DOT1L: variants seen among roughly 807,000 people sequenced by gnomAD.
DOT1L encodes DOT1 like histone lysine methyltransferase.
DOT1L carries 33 observed loss-of-function variants against 153.3 expected under a neutral mutation model. That is an observed-to-expected ratio of 0.22 (90% CI 0.16 to 0.29). The LOEUF is 0.29. DOT1L is among the 10% of genes least tolerant of loss of function. DOT1L has a pLI of 1.00. For missense variants in DOT1L, 1,847 were observed against 2,119.9 expected (o/e 0.87, Z 2.53); for synonymous variants, 1,135 against 965.1 (o/e 1.18, Z -3.26).
Position 2,217,984 on chromosome 19 carries a change from G to T in DOT1L, c.2691+66G>T. 1.3e-6 allele frequency: 2 copies of T among 1,562,902 alleles called. No homozygotes were observed. The highest frequency in any genetic ancestry group is 3.6e-5 in the Admixed American group (2 of 55,712). ...AGGCAAAACAGTCTGGGGTGCTCGAGACCTGGCTCACTTTGCGAAGTCTCA... is the reference window on the plus strand; with the variant it reads ...AGGCAAAACAGTCTGGGGTGCTCGATACCTGGCTCACTTTGCGAAGTCTCA... On this transcript the variant is annotated intron_variant, in intron 22 of 27. Coordinates refer to ENST00000398665, the MANE Select transcript of DOT1L (RefSeq NM_032482.3). The surrounding 1 kb of genome is among the most constrained non-coding windows in gnomAD (Gnocchi z 7.3).
At chr19:2,228,612 G>A (rs952594015) in intron 27 of DOT1L, 2 of 985,396 alleles carry the variant, frequency 2.0e-6, no homozygotes, top group South Asian at 4.7e-5. Flanking sequence ...CTGGGTTCCT[G>A]CGGTGACGCC....
In DOT1L at chr19:2,229,456, G is replaced by A. The variant is rs2024506023; in HGVS notation, c.4607-329G>A. 1.1e-5 allele frequency: 11 copies of A among 985,444 alleles called. No homozygotes were observed. In the South Asian group the frequency reaches 4.7e-4, roughly 42 times the overall value. 61.0% of individuals were successfully genotyped at this position (985,444 alleles called of 1,614,324 possible). On this transcript the variant is annotated intron_variant, in intron 27 of 27. Coordinates refer to ENST00000398665, the MANE Select transcript of DOT1L (RefSeq NM_032482.3). Reference sequence around the variant, plus strand: ...GGGCTGGTCAGCCTGGCGGGTCAATGCGGGCACCTGCGGGCTGGACAAGCT... The same window carrying A: ...GGGCTGGTCAGCCTGGCGGGTCAATACGGGCACCTGCGGGCTGGACAAGCT...
At chr19:2,223,134 C>T (rs2024191875) in intron 24 of DOT1L, 147 bp from the exon 25 acceptor site, 1 of 784,944 alleles carries the variant, frequency 1.3e-6, no homozygotes, top group Non-Finnish European at 2.0e-6. Context: ...AGAACCAGGA[C>T]AGGGGCTGTA....
rs2144802741 is a variant in DOT1L, at chr19:2,204,844, A to ACCG, written c.788-1882_788-1880dup. ...CCTGTGTGCCCAGCCTGGCCCTGGA[A>ACCG]CCGCCCTTCCTGCTCCTCCTGAGGG... On this transcript the variant is annotated intron_variant, in intron 9 of 27. Transcript: ENST00000398665. The surrounding 1 kb of genome is among the most constrained non-coding windows in gnomAD (Gnocchi z 5.7). Among the ~76,000 whole-genome samples the ACCG allele has an allele frequency of 2.0e-5, 3 of 152,168 alleles. No individual in the cohort carries two copies. The South Asian group carries it at 6.2e-4, about 32-fold the overall frequency.
At position 2,208,954 on chromosome 19, in the gene DOT1L, G is replaced by A; in HGVS notation, c.983G>A (p.Ser328Asn). The A allele has an allele frequency of 6.2e-7, 1 of 1,613,270 alleles. No homozygotes were observed. The highest frequency in any genetic ancestry group is 1.1e-5 in the South Asian group (1 of 90,928). The change falls in exon 12 of 28, where the codon AGT becomes AAT. Residue 328 changes from serine (S) to asparagine (N), a missense_variant. By Grantham distance (46) the Ser-to-Asn change is conservative (BLOSUM62 1). Transcript: ENST00000398665. This position sits in a 1 kb window ranked among gnomAD's most constrained non-coding sequence, Gnocchi z 4.4. The part of the protein sequence containing the change: ...DRTILENYFS[S>N]LKNPKLREEQ... ...TTTTAGCTTGAAAACTATTTTTCTA[G>A]TCTGAAAAACCCAAAACTCAGGGTA...
chr19:2,228,032 G>C (rs1325513447), intron 27 of DOT1L: 3 of 1,294,956 alleles, frequency 2.3e-6, no homozygotes, highest in Non-Finnish European at 3.0e-6. Flanking sequence ...CCCCAACGCT[G>C]CTGGCCTCTA....
chr19:2,218,616 A>G (rs561189428), intron 22 of DOT1L, among the ~76,000 whole-genome samples: 3 of 151,736 alleles, frequency 2.0e-5, no homozygotes, highest in Non-Finnish European at 2.9e-5. Context: ...GATGGTCTTG[A>G]TCTCCTGACC....
At chr19:2,228,055 C>T (rs1418814282) in intron 27 of DOT1L, 4 of 1,309,972 alleles carry the variant, frequency 3.1e-6, no homozygotes, top group Non-Finnish European at 4.0e-6. Context: ...CCTGAGCCCG[C>T]GCTTCTGCAG....
chr19:2,227,264 C>T (rs775156859), intron 27 of DOT1L, 137 bp downstream of exon 27: 7 of 1,160,270 alleles, frequency 6.0e-6, no homozygotes, highest in South Asian at 1.3e-5. Flanking sequence ...CCCCGCCATC[C>T]GTGCACGGTG....
At chr19:2,171,552 C>G (rs141332840) in intron 1 of DOT1L, among the ~76,000 whole-genome samples, 1 of 152,206 alleles carries the variant, frequency 6.6e-6, no homozygotes, top group Non-Finnish European at 1.5e-5. Flanking sequence ...GCCCCACCAC[C>G]GAGGGCGGGC....
At chr19:2,219,877 C>G (rs530451758) in intron 22 of DOT1L, among the ~76,000 whole-genome samples, 3 of 152,352 alleles carry the variant, frequency 2.0e-5, no homozygotes, top group East Asian at 3.9e-4. Context: ...CCTGACCTCC[C>G]TGCCTCAGGC....
In DOT1L at chr19:2,210,718, A is replaced by G. The variant is rs1409991297; in HGVS notation, c.1214A>G (p.Lys405Arg). The G allele has an allele frequency of 1.2e-6, 2 of 1,613,180 alleles. No individual in the cohort carries two copies. The highest frequency in any genetic ancestry group is 1.7e-6 in the Non-Finnish European group (2 of 1,180,012). ...AAGAAGCTAAACAAGAAGGGGAGGAAGATGGCTGGCCGCAAGCGCGGGCGC... is the reference window on the plus strand; with the variant it reads ...AAGAAGCTAAACAAGAAGGGGAGGAGGATGGCTGGCCGCAAGCGCGGGCGC... ...RKKKLNKKGRKMAGRKRGRPK... is the reference protein window; with the variant it reads ...RKKKLNKKGRRMAGRKRGRPK... The change falls in exon 14 of 28, where the codon AAG becomes AGG. Residue 405 changes from lysine (K) to arginine (R), a missense_variant. Physicochemically the swap from Lys to Arg is conservative, Grantham distance 26. Transcript: ENST00000398665.
chr19:2,178,579 GCTAA>G (rs2022072745), intron 1 of DOT1L, among the ~76,000 whole-genome samples: 1 of 151,674 alleles, frequency 6.6e-6, no homozygotes, highest in Non-Finnish European at 1.5e-5. Flanking sequence ...ACTACGCCTG[GCTAA>G]CTTTTTGTAT....
chr19:2,231,221 G>C lies in DOT1L; in HGVS notation c.*1429G>C, dbSNP rs1278722424. On this transcript the variant is annotated 3_prime_UTR_variant, in exon 28 of 28. Coordinates refer to ENST00000398665, the MANE Select transcript of DOT1L (RefSeq NM_032482.3). ...CCCCGCATCTGGCCCTGGGCTGTGTGGCACTTGCTGAGCCCACCTTCTCAA... is the reference window on the plus strand; with the variant it reads ...CCCCGCATCTGGCCCTGGGCTGTGTCGCACTTGCTGAGCCCACCTTCTCAA... 4.4e-6 allele frequency: 1 copy of C among 228,098 alleles called. No individual in the cohort carries two copies. The highest frequency in any genetic ancestry group is 8.7e-6 in the Non-Finnish European group (1 of 114,826). The allele number at this position is 228,098 out of a possible 1,614,324, so 14.1% of individuals were successfully genotyped here. A position where few individuals can be genotyped will look rare whatever the true frequency, so the allele number is the denominator to read the frequency against.
intron 8 of DOT1L, among the ~76,000 whole-genome samples, chr19:2,201,846 C>T (rs1047646008): frequency 2.6e-5 from 4 of 152,246 alleles, no homozygotes; most frequent in African/African-American, 9.6e-5. Flanking sequence ...GCTCAGCCTG[C>T]TCTGGCTCTG....
In DOT1L at chr19:2,197,441, G is replaced by T. The variant is rs1487735694; in HGVS notation, c.652-2443G>T. Among the ~76,000 whole-genome samples the T allele has an allele frequency of 6.6e-6, 1 of 152,202 alleles. No homozygotes were observed. The highest frequency in any genetic ancestry group is 6.5e-5 in the Admixed American group (1 of 15,280). On this transcript the variant is annotated intron_variant, in intron 7 of 27. Transcript: ENST00000398665. The surrounding 1 kb of genome is among the most constrained non-coding windows in gnomAD (Gnocchi z 4.1). The stretch of plus-strand genomic sequence containing the variant: ...GGCGCCATGGTGCCTTCCTCCGCGC[G>T]GTCTGGCTGGGCTGAGCCTTGCTCA...
chr19:2,222,891 A>AC lies in DOT1L; in HGVS notation c.3390+333dup, dbSNP rs2024180304. 3 of 380,704 alleles carry AC rather than the reference A, an allele frequency of 7.9e-6. No homozygotes were observed. The highest frequency in any genetic ancestry group is 1.4e-5 in the Non-Finnish European group (3 of 211,754). 23.6% of individuals were successfully genotyped at this position (380,704 alleles called of 1,614,324 possible). A position where few individuals can be genotyped will look rare whatever the true frequency, so the allele number is the denominator to read the frequency against. On this transcript the variant is annotated intron_variant, in intron 24 of 27. Coordinates refer to ENST00000398665, the MANE Select transcript of DOT1L (RefSeq NM_032482.3). This position sits in a 1 kb window ranked among gnomAD's most constrained non-coding sequence, Gnocchi z 6.5. ...CTCCCTCTCGGGGGGACAAAAAAAAACACAAAAAAAAACAGGTGGAGGCAG... is the reference window on the plus strand; with the variant it reads ...CTCCCTCTCGGGGGGACAAAAAAAAACCACAAAAAAAAACAGGTGGAGGCAG...
chr19:2,165,687 C>T (rs1004794375), intron 1 of DOT1L, among the ~76,000 whole-genome samples: 2 of 152,218 alleles, frequency 1.3e-5, no homozygotes, highest in Non-Finnish European at 2.9e-5. Flanking sequence ...GGCATATGAC[C>T]ATAAGAGTTC....
chr19:2,172,485 G>A (rs974836234), intron 1 of DOT1L, among the ~76,000 whole-genome samples: 26 of 150,562 alleles, frequency 1.7e-4, no homozygotes, highest in East Asian at 9.9e-4. Context: ...CACCGTGCCC[G>A]GCCAGCCACT....
Sources: gnomAD v4.1 joint callset for allele counts (sites outside exome capture counted in the v4.1 genomes callset) on GRCh38, gnomAD v4.1.1 for gene constraint, Gnocchi (gnomAD v3.1) non-coding constraint, MANE v1.5 for transcripts, NCBI Gene and HGNC (gene_info 2026-07-23, HGNC 2026-07-21) for gene names.